ANKRD30A: variants seen among roughly 807,000 people sequenced by gnomAD.
ANKRD30A encodes the protein ankyrin repeat domain-containing protein 30A.
In ANKRD30A, 170 loss-of-function variants were observed where a neutral mutation model predicts 166.3. The observed-to-expected ratio is 1.02, with a 90% CI of 0.90 to 1.16. ANKRD30A has a LOEUF of 1.16. Among genes scored for constraint, ANKRD30A ranks in the 50% most tolerant of loss-of-function variants. The pLI is 0.00. For synonymous variants in ANKRD30A, 564 were observed against 508.9 expected (o/e 1.11, Z -1.46); for missense variants, 1,630 against 1,518.0 (o/e 1.07, Z -1.23).
Position 37,199,647 on chromosome 10 carries a change from G to T in ANKRD30A, c.2717-80G>T, listed in dbSNP as rs1588907580. ...GAGGAGGAACCACAGATTCGTGAAT[G>T]AAAGTAGATTTGTATATGTTTTTAA... On this transcript the variant is annotated intron_variant, in intron 29 of 35. Transcript: ENST00000361713. 1.6e-5 allele frequency: 15 copies of T among 918,544 alleles called. No individual in the cohort carries two copies. The East Asian group carries it at 4.3e-4, about 26-fold the overall frequency. 56.9% of individuals were successfully genotyped at this position (918,544 alleles called of 1,614,324 possible). A position where few individuals can be genotyped will look rare whatever the true frequency, so the allele number is the denominator to read the frequency against.
At chr10:37,148,483 T>A (rs189157755) in intron 9 of ANKRD30A, among the ~76,000 whole-genome samples, 128 of 152,128 alleles carry the variant, frequency 8.4e-4, no homozygotes, top group African/African-American at 2.7e-3. Context: ...TTTTTAAAAA[T>A]TTTTTTAGCA....
the ANKRD30A span, among the ~76,000 whole-genome samples, chr10:37,248,720 C>G: frequency 6.8e-6 from 1 of 146,564 alleles, no homozygotes; most frequent in Non-Finnish European, 1.5e-5. Flanking sequence ...TTTAATGAAA[C>G]AGAGAATCAG....
chr10:37,241,085 A>G, the ANKRD30A span: 1 of 152,010 alleles, frequency 6.6e-6, no homozygotes, highest in African/African-American at 2.4e-5. Context: ...ACTAACACAG[A>G]GTAGGTTCTC....
At chr10:37,151,953 C>T (rs1292639090) in intron 11 of ANKRD30A, 107 bp from the exon 12 acceptor site, 17 of 990,712 alleles carry the variant, frequency 1.7e-5, no homozygotes, top group Non-Finnish European at 1.9e-5. Context: ...ATACGGGCCA[C>T]AGAGGAAAAA....
intron 5 of ANKRD30A, among the ~76,000 whole-genome samples, chr10:37,134,805 A>AT (rs1396807676): frequency 2.0e-5 from 3 of 152,016 alleles, no homozygotes; most frequent in Admixed American, 2.0e-4. Flanking sequence ...ACTTTTTTCT[A>AT]TTTTCTCTTG....
At chr10:37,207,718 A>G (rs1415156576) in intron 31 of ANKRD30A, among the ~76,000 whole-genome samples, 1 of 151,906 alleles carries the variant, frequency 6.6e-6, no homozygotes, top group Non-Finnish European at 1.5e-5. Context: ...TATCATTATC[A>G]TTATAATAGT....
chr10:37,192,071 C>G lies in ANKRD30A; in HGVS notation c.2513-993C>G, dbSNP rs574127597. Reference sequence around the variant, plus strand: ...TCTTTTTTAGAGACAGAGTCTCGCTCTGTCATCCAGGCTGGAGTGCAATGG... The same window carrying G: ...TCTTTTTTAGAGACAGAGTCTCGCTGTGTCATCCAGGCTGGAGTGCAATGG... On this transcript the variant is annotated intron_variant, in intron 25 of 35. Transcript: ENST00000361713. Among the ~76,000 whole-genome samples the G allele has an allele frequency of 3.9e-5, 6 of 152,136 alleles. 1 individual carries two copies. In the South Asian group the frequency reaches 1.0e-3, roughly 26 times the overall value.
At chr10:37,252,416 A>C in the ANKRD30A span, among the ~76,000 whole-genome samples, 12 of 152,220 alleles carry the variant, frequency 7.9e-5, no homozygotes, top group Non-Finnish European at 1.5e-4. Context: ...ATATACTAAA[A>C]TAACAGTGCA....
intron 12 of ANKRD30A, 69 bp from the exon 13 acceptor site, chr10:37,153,503 G>A: frequency 2.5e-6 from 4 of 1,579,384 alleles, no homozygotes; most frequent in Non-Finnish European, 3.4e-6. Flanking sequence ...AATTTAATTA[G>A]GAAATTTTGA....
Position 37,140,752 on chromosome 10 carries a change from A to T in ANKRD30A, c.821-966A>T, listed in dbSNP as rs1041620415. ...TAGAAAAATTTTTCATAATAACAAA[A>T]ATGCTACTATGATACCTAAATGTGA... On this transcript the variant is annotated intron_variant, in intron 6 of 35. Transcript: ENST00000361713. 1.6e-4 allele frequency among the ~76,000 whole-genome samples: 25 copies of T among 152,338 alleles called. No homozygotes were observed. The South Asian group carries it at 2.1e-3, about 13-fold the overall frequency.
chr10:37,158,461 A>G (rs1350326233), intron 14 of ANKRD30A, 41 bp downstream of exon 14: 4 of 1,612,918 alleles, frequency 2.5e-6, no homozygotes, highest in Non-Finnish European at 1.7e-6. Context: ...TCAACTACAT[A>G]TTTTATGAAG....
At chr10:37,130,146 A>T in intron 2 of ANKRD30A, 59 bp from the exon 3 acceptor site, 1 of 1,169,802 alleles carries the variant, frequency 8.5e-7, no homozygotes, top group South Asian at 3.1e-5. Context: ...TTTATAATTT[A>T]TAATAATTTA....
At chr10:37,228,760 ATTGT>A (rs1843278444) in intron 34 of ANKRD30A, among the ~76,000 whole-genome samples, 1 of 151,970 alleles carries the variant, frequency 6.6e-6, no homozygotes, top group African/African-American at 2.4e-5. Context: ...TCTCATTAGC[ATTGT>A]TTGTCATGAA....
chr10:37,211,465 A>G (rs1842311986), intron 31 of ANKRD30A, among the ~76,000 whole-genome samples: 1 of 152,014 alleles, frequency 6.6e-6, no homozygotes, highest in African/African-American at 2.4e-5. Context: ...ACATGAACTC[A>G]TCATTTTTTA....
rs189638660 is a variant in ANKRD30A, at chr10:37,193,080, T to C, written c.2529T>C (p.Asp843=). ...NGKLEESPDN[D]GFLKAPCRMK... is the part of the protein sequence containing the mutation. ...TTCTTTTAGAGTCTCCTGATAATGA[T>C]GGTTTTCTGAAGGTAATAACTTTTA... The change falls in exon 26 of 36, where the codon GAT becomes GAC. Residue 843 remains aspartate, a synonymous_variant. Transcript: ENST00000361713. 5,285 of 1,609,718 alleles carry C rather than the reference T, an allele frequency of 3.3e-3. 34 individuals carry two copies. Among genetic ancestry groups the C allele is most frequent in the Non-Finnish European group, 3.9e-3 (4,563 of 1,176,914 alleles).
intron 13 of ANKRD30A, among the ~76,000 whole-genome samples, chr10:37,155,161 A>G (rs1233898118): frequency 1.3e-5 from 2 of 152,200 alleles, no homozygotes; most frequent in African/African-American, 4.8e-5. Context: ...ACTGATTTTA[A>G]CATAGAAAAT....
At chr10:37,256,029 G>A in the ANKRD30A span, among the ~76,000 whole-genome samples, 32 of 152,236 alleles carry the variant, frequency 2.1e-4, no homozygotes, top group East Asian at 4.3e-3. Flanking sequence ...TGCCTGCAGC[G>A]TGACTGGTCT....
At chr10:37,140,050 A>C (rs569808675) in intron 6 of ANKRD30A, among the ~76,000 whole-genome samples, 3 of 152,238 alleles carry the variant, frequency 2.0e-5, no homozygotes, top group Admixed American at 2.0e-4. Context: ...TATTCTTACA[A>C]TAAAGTGAGC....
intron 25 of ANKRD30A, among the ~76,000 whole-genome samples, chr10:37,191,989 T>C (rs1285205182): frequency 6.6e-6 from 1 of 152,048 alleles, no homozygotes; most frequent in Admixed American, 6.6e-5. Context: ...GAATGATATA[T>C]AAAAAGCCTC....
Sources: gnomAD v4.1 joint callset for allele counts (sites outside exome capture counted in the v4.1 genomes callset) on GRCh38, gnomAD v4.1.1 for gene constraint, MANE v1.5 for transcripts, NCBI Gene and HGNC (gene_info 2026-07-23, HGNC 2026-07-21) for gene names.